Variants in SLCO1A2 observed in about 807,000 individuals in gnomAD.
The protein encoded by SLCO1A2 is solute carrier organic anion transporter family member 1A2.
In SLCO1A2, 67 loss-of-function variants were observed where a neutral mutation model predicts 69.0. That is an observed-to-expected ratio of 0.97 (90% CI 0.80 to 1.19). The LOEUF (loss-of-function observed/expected upper bound fraction) is 1.19. SLCO1A2 is among the 50% of genes most tolerant of loss of function. SLCO1A2 has a pLI of 0.00. For missense variants in SLCO1A2, 787 were observed against 793.7 expected, an observed-to-expected ratio of 0.99 and a Z score of 0.10; for synonymous variants, 260 against 265.9, an observed-to-expected ratio of 0.98 and a Z score of 0.22.
chr12:21,320,432 C>T (rs758249596), intron 2 of SLCO1A2, among the ~76,000 whole-genome samples: 8 of 152,042 alleles, frequency 5.3e-5, no homozygotes, highest in Non-Finnish European at 1.2e-4. Flanking sequence ...TCCATTCTTC[C>T]CATTTTCGAG....
intron 2 of SLCO1A2, among the ~76,000 whole-genome samples, chr12:21,320,408 A>G (rs1951456133): frequency 6.6e-6 from 1 of 151,708 alleles, no homozygotes; most frequent in Non-Finnish European, 1.5e-5. Context: ...AATCCCTCCA[A>G]TCTTGCTCTT....
chr12:21,271,857 T>C (rs1942926828), intron 14 of SLCO1A2, among the ~76,000 whole-genome samples: 1 of 148,854 alleles, frequency 6.7e-6, no homozygotes, highest in Admixed American at 6.8e-5. Context: ...TACATATATT[T>C]GTACATATGC....
upstream of SLCO1A2, among the ~76,000 whole-genome samples, chr12:21,399,978 T>C (rs1941632523): frequency 6.6e-6 from 1 of 152,080 alleles, no homozygotes; most frequent in Non-Finnish European, 1.5e-5. Flanking sequence ...AAGGACTTCA[T>C]GTCTAAAACA....
rs1949097918 is a variant in SLCO1A2, at chr12:21,304,426, C to A, written c.589+1G>T. On this transcript the variant is annotated splice_donor_variant, in intron 6 of 14. Transcript: ENST00000683939. LOFTEE classifies it high-confidence loss of function. ...AAGCTAAGGTAGATTTCCATACTTA[C>A]CAATATATAAAGGAGAATTTTCAAA... 1.9e-6 allele frequency: 3 copies of A among 1,602,014 alleles called. No individual in the cohort carries two copies. Among genetic ancestry groups the A allele is most frequent in the African/African-American group, 2.7e-5 (2 of 74,514 alleles).
chr12:21,285,277 T>G lies in SLCO1A2; in HGVS notation c.1610+6887A>C, dbSNP rs373012053. On this transcript the variant is annotated intron_variant, in intron 12 of 14. Coordinates refer to ENST00000683939, the MANE Select transcript of SLCO1A2 (RefSeq NM_001386879.1). ...ATCTAGAAGAAATGGATACATTCCT[T>G]GACACATACACTCTCCCAAGACTAA... 1.2e-4 allele frequency among the ~76,000 whole-genome samples: 19 copies of G among 152,142 alleles called. No homozygotes were observed. The East Asian group carries it at 1.5e-3, about 12-fold the overall frequency.
chr12:21,314,780 A>G (rs1342962841), intron 3 of SLCO1A2, 99 bp from the exon 4 acceptor site: 2 of 854,158 alleles, frequency 2.3e-6, no homozygotes, highest in Non-Finnish European at 3.7e-6. Context: ...ACTGCATAAC[A>G]ACTATCTTAA....
chr12:21,327,026 C>A (rs973177696), intron 2 of SLCO1A2, among the ~76,000 whole-genome samples: 1 of 152,148 alleles, frequency 6.6e-6, no homozygotes, highest in Non-Finnish European at 1.5e-5. Context: ...TAGCCCCTCC[C>A]ATCACAGGCC....
At chr12:21,292,622 GACTC>G (rs1456196501) in intron 11 of SLCO1A2, among the ~76,000 whole-genome samples, 1 of 151,780 alleles carries the variant, frequency 6.6e-6, no homozygotes, top group African/African-American at 2.4e-5. Context: ...TTGAAACAGA[GACTC>G]ACCCTGTCGC....
chr12:21,276,162 A>G (rs918071588), intron 12 of SLCO1A2, among the ~76,000 whole-genome samples: 33 of 152,150 alleles, frequency 2.2e-4, no homozygotes, highest in African/African-American at 7.5e-4. Context: ...TGAAAAGACA[A>G]AACTTGTCAT....
At chr12:21,350,113 G>C (rs1937811822) in intron 2 of SLCO1A2, among the ~76,000 whole-genome samples, 1 of 152,102 alleles carries the variant, frequency 6.6e-6, no homozygotes, top group African/African-American at 2.4e-5. Flanking sequence ...GGTAACATTG[G>C]TAGAGATCTT....
At chr12:21,312,802 G>A (rs568972746) in intron 4 of SLCO1A2, among the ~76,000 whole-genome samples, 13 of 152,206 alleles carry the variant, frequency 8.5e-5, no homozygotes, top group Admixed American at 2.0e-4. Flanking sequence ...AGACCAGCAC[G>A]GTGGCTCACA....
chr12:21,291,467 G>A (rs1006335329), intron 12 of SLCO1A2, among the ~76,000 whole-genome samples: 2 of 152,104 alleles, frequency 1.3e-5, no homozygotes, highest in Admixed American at 6.6e-5. Context: ...AATGTGTTAT[G>A]ACTTGAGCAT....
chr12:21,418,436 T>C (rs1942022425), upstream of SLCO1A2, among the ~76,000 whole-genome samples: 1 of 151,310 alleles, frequency 6.6e-6, no homozygotes, highest in Non-Finnish European at 1.5e-5. Flanking sequence ...GATAATGACA[T>C]ACCTGAGACT....
At chr12:21,270,670 A>G (rs921440699) in intron 14 of SLCO1A2, among the ~76,000 whole-genome samples, 2 of 151,694 alleles carry the variant, frequency 1.3e-5, no homozygotes, top group Non-Finnish European at 3.0e-5. Flanking sequence ...TTAAGTAACT[A>G]TAAAAATATT....
chr12:21,313,040 C>T (rs960850167), intron 4 of SLCO1A2, among the ~76,000 whole-genome samples: 1 of 152,016 alleles, frequency 6.6e-6, no homozygotes, highest in African/African-American at 2.4e-5. Context: ...TGAGTGAGAT[C>T]GCACCACTAC....
intron 1 of SLCO1A2, among the ~76,000 whole-genome samples, chr12:21,403,149 C>A (rs562822831): frequency 6.6e-6 from 1 of 152,110 alleles, no homozygotes; most frequent in Non-Finnish European, 1.5e-5. Flanking sequence ...GTACTTCTAA[C>A]GCTCCAAGCC....
At chr12:21,386,274 T>C (rs1397237041) in intron 1 of SLCO1A2, among the ~76,000 whole-genome samples, 1 of 152,166 alleles carries the variant, frequency 6.6e-6, no homozygotes, top group Non-Finnish European at 1.5e-5. Context: ...CTTATTTATA[T>C]ATTAAAAAAA....
At chr12:21,284,341 C>T (rs1945349904) in intron 12 of SLCO1A2, among the ~76,000 whole-genome samples, 1 of 152,178 alleles carries the variant, frequency 6.6e-6, no homozygotes, top group African/African-American at 2.4e-5. Flanking sequence ...TTCTGCATTT[C>T]CATCTGAGGT....
At chr12:21,373,554 T>A in intron 2 of SLCO1A2, 4 of 733,598 alleles carry the variant, frequency 5.5e-6, no homozygotes, top group Non-Finnish European at 9.9e-6. Context: ...GAACAGTACC[T>A]TCAGCTATTC....
Sources: allele counts gnomAD v4.1 joint callset (sites outside exome capture counted in the v4.1 genomes callset), GRCh38; gene constraint gnomAD v4.1.1; transcripts MANE v1.5; gene names NCBI Gene and HGNC (gene_info 2026-07-23, HGNC 2026-07-21).